The following FRMD4A variants were observed in gnomAD, a reference collection of about 807,000 sequenced individuals.
FRMD4A encodes FERM domain containing 4A.
A neutral mutation model predicts 129.1 loss-of-function variants in FRMD4A; 29 were observed. The ratio of observed to expected loss-of-function variants is 0.22; its 90% CI spans 0.17 to 0.31. The LOEUF is 0.31. Ranked by LOEUF, FRMD4A falls within the 10% of genes least tolerant of loss-of-function variation. The pLI is 1.00. For synonymous variants in FRMD4A, 634 were observed against 571.6 expected, an observed-to-expected ratio of 1.11 and a Z score of -1.56; for missense variants, 1,272 against 1,375.8, an observed-to-expected ratio of 0.92 and a Z score of 1.19.
rs542784935 is a variant in FRMD4A, at chr10:13,805,328, G to C, written c.206+5486C>G. ...CAGCCCATATTATTAATTGGTATGT[G>C]AAAATAAATTCTAACTATACTTGTC... On this transcript the variant is annotated intron_variant, in intron 4 of 24. Coordinates refer to ENST00000357447, the MANE Select transcript of FRMD4A (RefSeq NM_018027.5). 3.6e-4 allele frequency among the ~76,000 whole-genome samples: 55 copies of C among 151,886 alleles called. No individual in the cohort carries two copies. The South Asian group carries it at 0.01, about 29-fold the overall frequency.
chr10:13,963,014 A>C (rs1218675820), intron 2 of FRMD4A, among the ~76,000 whole-genome samples: 1 of 152,248 alleles, frequency 6.6e-6, no homozygotes, highest in Non-Finnish European at 1.5e-5. Flanking sequence ...GAACAATTTG[A>C]AAATGTAAGA....
chr10:13,895,929 C>T (rs1396112410), intron 2 of FRMD4A, among the ~76,000 whole-genome samples: 1 of 152,184 alleles, frequency 6.6e-6, no homozygotes, highest in Non-Finnish European at 1.5e-5. Flanking sequence ...ATCTCGTCAT[C>T]ACTGGTCATC....
At chr10:13,802,535 T>C (rs1156790832) in intron 4 of FRMD4A, among the ~76,000 whole-genome samples, 2 of 152,256 alleles carry the variant, frequency 1.3e-5, no homozygotes, top group Non-Finnish European at 2.9e-5. Context: ...CACTGCAGCC[T>C]TGAACTGCTG....
chr10:14,222,431 G>C (rs1413005651), intron 2 of FRMD4A, among the ~76,000 whole-genome samples: 1 of 152,146 alleles, frequency 6.6e-6, no homozygotes, highest in African/African-American at 2.4e-5. Flanking sequence ...CTATCCAGTT[G>C]CCCAATCATC....
intron 2 of FRMD4A, among the ~76,000 whole-genome samples, chr10:14,127,976 TTCCTTCTCTCTCTCTCTCTCTC>T (rs1564319391): frequency 9.0e-5 from 2 of 22,294 alleles, no homozygotes; most frequent in African/African-American, 3.4e-4. Context: ...CTTTCTTTCT[TTCCTTCTCTCTCTCTCTCTCTC>T]TCTTTCTTTC....
chr10:14,112,374 G>A (rs554211235), intron 2 of FRMD4A, among the ~76,000 whole-genome samples: 2 of 152,272 alleles, frequency 1.3e-5, no homozygotes, highest in East Asian at 1.9e-4. Flanking sequence ...GGTAGAAGAC[G>A]AGAGAGCAGT....
intron 2 of FRMD4A, among the ~76,000 whole-genome samples, chr10:13,862,973 G>A (rs2094314979): frequency 6.9e-6 from 1 of 144,584 alleles, no homozygotes; most frequent in Non-Finnish European, 1.5e-5. Context: ...TTCATTTCCA[G>A]CTGTTCAGAC....
At chr10:14,076,400 G>A (rs1010077662) in intron 2 of FRMD4A, among the ~76,000 whole-genome samples, 1 of 152,086 alleles carries the variant, frequency 6.6e-6, no homozygotes, top group East Asian at 1.9e-4. Flanking sequence ...CAGCACTTTG[G>A]GGGGCCGAGG....
intron 2 of FRMD4A, among the ~76,000 whole-genome samples, chr10:14,074,102 T>G (rs906503850): frequency 6.6e-6 from 1 of 152,106 alleles, no homozygotes; most frequent in Admixed American, 6.5e-5. Flanking sequence ...CAGAGCAAGA[T>G]AGTCTCAAAA....
At chr10:13,940,014 T>G (rs938689877) in intron 2 of FRMD4A, among the ~76,000 whole-genome samples, 3 of 152,114 alleles carry the variant, frequency 2.0e-5, no homozygotes, top group Non-Finnish European at 4.4e-5. Flanking sequence ...GAAAACAACT[T>G]AATACTTGTT....
chr10:14,048,177 T>C (rs1047021419), intron 2 of FRMD4A, among the ~76,000 whole-genome samples: 1 of 152,186 alleles, frequency 6.6e-6, no homozygotes, highest in Non-Finnish European at 1.5e-5. Context: ...TCACTAGGAC[T>C]GATTCCACTG....
rs186042187 is a variant in FRMD4A, at chr10:13,880,738, C to T, written c.46-21826G>A. Among the ~76,000 whole-genome samples, 139 of 152,212 alleles carry T rather than the reference C, an allele frequency of 9.1e-4. 1 individual carries two copies. Among genetic ancestry groups the T allele is most frequent in the Non-Finnish European group, 6.5e-4 (44 of 68,010 alleles). On this transcript the variant is annotated intron_variant, in intron 2 of 24. Coordinates refer to ENST00000357447, the MANE Select transcript of FRMD4A (RefSeq NM_018027.5). Reference sequence around the variant, plus strand: ...CACGTCCAGACACCCACCTGGCTTACCTCCTCACATCCTTTCAGTCTTTGC... The same window carrying T: ...CACGTCCAGACACCCACCTGGCTTATCTCCTCACATCCTTTCAGTCTTTGC...
chr10:14,268,101 T>C (rs1373959948), intron 2 of FRMD4A, among the ~76,000 whole-genome samples: 1 of 152,142 alleles, frequency 6.6e-6, no homozygotes, highest in Non-Finnish European at 1.5e-5. Context: ...AAGAGTGTCA[T>C]TATTGCCATT....
intron 2 of FRMD4A, among the ~76,000 whole-genome samples, chr10:14,041,868 C>T (rs181832521): frequency 1.8e-3 from 277 of 152,242 alleles, no homozygotes; most frequent in African/African-American, 6.2e-3. Flanking sequence ...AGAGAAAACT[C>T]AACTATGCTG....
In FRMD4A at chr10:14,072,713, C is replaced by A. The variant is rs57727393; in HGVS notation, c.46-213801G>T. On this transcript the variant is annotated intron_variant, in intron 2 of 24. Transcript: ENST00000357447. ...GGTTTTTTTAGAAGAGAAGAAACCA[C>A]GCTAATAAGCTTTTTGTCTGCAATC... Among the ~76,000 whole-genome samples the A allele has an allele frequency of 7.7e-3, 1,171 of 152,238 alleles. 55 individuals carry two copies. The East Asian group carries it at 0.13, about 17-fold the overall frequency.
At position 14,161,886 on chromosome 10, in the gene FRMD4A, G is replaced by A. The variant is rs571379515; in HGVS notation, c.45+168172C>T. ...AGTCCTGATTTGATCATTACACATTGTATGTATCAAAATATCACATGTATG... is the reference window on the plus strand; with the variant it reads ...AGTCCTGATTTGATCATTACACATTATATGTATCAAAATATCACATGTATG... On this transcript the variant is annotated intron_variant, in intron 2 of 24. Coordinates refer to ENST00000357447, the MANE Select transcript of FRMD4A (RefSeq NM_018027.5). Among the ~76,000 whole-genome samples, 13 of 152,140 alleles carry A rather than the reference G, an allele frequency of 8.5e-5. No individual in the cohort carries two copies. In the East Asian group the frequency reaches 2.5e-3, roughly 29 times the overall value.
At chr10:14,103,549 A>C (rs1048965142) in intron 2 of FRMD4A, among the ~76,000 whole-genome samples, 12 of 152,208 alleles carry the variant, frequency 7.9e-5, no homozygotes, top group African/African-American at 2.9e-4. Flanking sequence ...TTTTTGTCGC[A>C]AAAGAGAAAT....
intron 2 of FRMD4A, among the ~76,000 whole-genome samples, chr10:14,119,340 A>C (rs1243138493): frequency 6.6e-6 from 1 of 152,208 alleles, no homozygotes; most frequent in Non-Finnish European, 1.5e-5. Flanking sequence ...CTGCAGTAAC[A>C]GAACCTGTTA....
chr10:14,236,131 C>A (rs7898553), intron 2 of FRMD4A, among the ~76,000 whole-genome samples: 59,516 of 152,094 alleles, frequency 0.39, 12,863 homozygotes, highest in Non-Finnish European at 0.48. Flanking sequence ...ATGCTCTTCG[C>A]GCACTTGCCT....
Sources: gnomAD v4.1 joint callset for allele counts (sites outside exome capture counted in the v4.1 genomes callset) on GRCh38, gnomAD v4.1.1 for gene constraint, MANE v1.5 for transcripts, NCBI Gene and HGNC (gene_info 2026-07-23, HGNC 2026-07-21) for gene names.